The following ZC2HC1A variants were observed in gnomAD, a reference collection of about 807,000 sequenced individuals.
ZC2HC1A encodes the protein zinc finger C2HC-type containing 1A.
ZC2HC1A carries 28 observed loss-of-function variants against 40.7 expected under a neutral mutation model. The ratio of observed to expected loss-of-function variants is 0.69; its 90% CI spans 0.51 to 0.94. The LOEUF (loss-of-function observed/expected upper bound fraction) is 0.94. ZC2HC1A is among the 40% of genes least tolerant of loss of function. The pLI, the probability that ZC2HC1A is intolerant of heterozygous loss-of-function variation, is 0.00. For missense variants in ZC2HC1A, 389 were observed against 386.3 expected (o/e 1.01, Z -0.06); for synonymous variants, 129 against 129.2 (o/e 1.00, Z 0.01).
chr8:78,684,904 G>A (rs908418917), intron 3 of ZC2HC1A, among the ~76,000 whole-genome samples: 15 of 151,970 alleles, frequency 9.9e-5, no homozygotes, highest in Non-Finnish European at 1.8e-4. Flanking sequence ...AGGTAGACTC[G>A]ACCTAATAAA....
intron 7 of ZC2HC1A, among the ~76,000 whole-genome samples, chr8:78,699,280 GA>G (rs911147743): frequency 7.9e-5 from 12 of 151,886 alleles, no homozygotes; most frequent in Non-Finnish European, 1.5e-4. Flanking sequence ...ATAGTTATGG[GA>G]AAAATTGTAA....
At chr8:78,681,901 C>CTTTTTTTTTTTTTTTTTTTTTTT in intron 3 of ZC2HC1A, among the ~76,000 whole-genome samples, 1 of 126,470 alleles carries the variant, frequency 7.9e-6, no homozygotes, top group Non-Finnish European at 1.7e-5. Context: ...CTTTTTCTTT[C>CTTTTTTTTTTTTTTTTTTTTTTT]TTTTTTTTTT....
chr8:78,711,527 A>T (rs1810949399), intron 7 of ZC2HC1A, among the ~76,000 whole-genome samples: 1 of 152,108 alleles, frequency 6.6e-6, no homozygotes. Flanking sequence ...TTAGAAAGTC[A>T]AATGGAGTAC....
intron 1 of ZC2HC1A, among the ~76,000 whole-genome samples, chr8:78,668,221 G>T (rs1389111450): frequency 1.3e-5 from 2 of 151,902 alleles, no homozygotes; most frequent in African/African-American, 2.4e-5. Context: ...GAGTCTTAAG[G>T]TTACCGTTCA....
At chr8:78,684,807 T>C (rs535957853) in intron 3 of ZC2HC1A, among the ~76,000 whole-genome samples, 57 of 152,214 alleles carry the variant, frequency 3.7e-4, no homozygotes, top group African/African-American at 1.3e-3. Context: ...ATAATAAAGA[T>C]ACAAGACTTC....
In ZC2HC1A at chr8:78,718,493, T is replaced by C. The variant is rs937396757; in HGVS notation, c.*1000T>C. Reference sequence around the variant, plus strand: ...TAGTGCAGAGCATGCAGATAAAAAATATTTGAATTTTTTTTTCTTGGAAGT... The same window carrying C: ...TAGTGCAGAGCATGCAGATAAAAAACATTTGAATTTTTTTTTCTTGGAAGT... On this transcript the variant is annotated 3_prime_UTR_variant, in exon 9 of 9. Coordinates refer to ENST00000263849, the MANE Select transcript of ZC2HC1A (RefSeq NM_016010.3). 9.9e-5 allele frequency: 15 copies of C among 151,884 alleles called. No homozygotes were observed. The highest frequency in any genetic ancestry group is 5.9e-4 in the Admixed American group (9 of 15,240). 9.4% of individuals were successfully genotyped at this position (151,884 alleles called of 1,614,324 possible).
chr8:78,696,255 C>G (rs1219016109), intron 5 of ZC2HC1A, among the ~76,000 whole-genome samples: 1 of 152,082 alleles, frequency 6.6e-6, no homozygotes, highest in Non-Finnish European at 1.5e-5. Flanking sequence ...AGGATGGTCT[C>G]GATCTCCTGA....
chr8:78,689,541 T>C (rs1251590699), intron 5 of ZC2HC1A, among the ~76,000 whole-genome samples, 168 bp downstream of exon 5: 2 of 152,076 alleles, frequency 1.3e-5, no homozygotes, highest in African/African-American at 4.8e-5. Context: ...CTTATATCTG[T>C]AAATCATTTC....
At chr8:78,685,683 A>G (rs1185675111) in intron 3 of ZC2HC1A, among the ~76,000 whole-genome samples, 1 of 152,254 alleles carries the variant, frequency 6.6e-6, no homozygotes, top group Non-Finnish European at 1.5e-5. Flanking sequence ...AGTCTCAATC[A>G]TTATAAGAGA....
rs753658944 is a variant in ZC2HC1A at position 78,689,369 on chromosome 8, A to AGGT, written c.504_504+2dup. The AGGT allele has an allele frequency of 4.4e-6, 7 of 1,579,898 alleles. No homozygotes were observed. The highest frequency in any genetic ancestry group is 6.0e-6 in the Non-Finnish European group (7 of 1,165,270). On this transcript the variant is annotated inframe_insertion, in exon 5 of 9. Transcript: ENST00000263849. ...AAAGGAAAACCAACTTCTCGGACACAGGTGGTAAGTTCAGTTTTAATAATT... is the reference window on the plus strand; with the variant it reads ...AAAGGAAAACCAACTTCTCGGACACAGGTGGTGGTAAGTTCAGTTTTAATAATT...
chr8:78,687,467 T>C (rs1176914408), intron 4 of ZC2HC1A, among the ~76,000 whole-genome samples: 2 of 145,574 alleles, frequency 1.4e-5, no homozygotes, highest in African/African-American at 5.0e-5. Flanking sequence ...CATAATTATA[T>C]ATATATTTAT....
intron 1 of ZC2HC1A, among the ~76,000 whole-genome samples, chr8:78,673,857 A>G (rs1306689358): frequency 2.0e-5 from 3 of 152,094 alleles, no homozygotes; most frequent in Admixed American, 6.6e-5. Flanking sequence ...TCTCTAAACA[A>G]TATTTCTTTG....
chr8:78,694,294 T>C (rs1266751016), intron 5 of ZC2HC1A, among the ~76,000 whole-genome samples: 1 of 151,210 alleles, frequency 6.6e-6, no homozygotes, highest in Non-Finnish European at 1.5e-5. Flanking sequence ...TTGTTTTTTT[T>C]TTTTTCTCAT....
Position 78,718,971 on chromosome 8 carries a change from G to A in ZC2HC1A, c.*1478G>A, listed in dbSNP as rs1450525722. The A allele has an allele frequency of 2.0e-5, 3 of 151,586 alleles. No homozygotes were observed. The highest frequency in any genetic ancestry group is 7.2e-5 in the African/African-American group (3 of 41,388). The allele number at this position is 151,586 out of a possible 1,614,324, so 9.4% of individuals were successfully genotyped here. On this transcript the variant is annotated 3_prime_UTR_variant, in exon 9 of 9. Coordinates refer to ENST00000263849, the MANE Select transcript of ZC2HC1A (RefSeq NM_016010.3). The stretch of plus-strand genomic sequence containing the variant: ...TTATTAGCTTAGTTTAGTTTGGGCA[G>A]GAGTTACAAACTTAATAGGAATTGT...
At position 78,700,327 on chromosome 8, in the gene ZC2HC1A, C is replaced by A. The variant is rs576726938; in HGVS notation, c.704+1814C>A. Reference sequence around the variant, plus strand: ...TTTAATGGGATTGTTTGTTTTTTTTCTTGTAAGTTTCTTTTTTTCTTGTAA... The same window carrying A: ...TTTAATGGGATTGTTTGTTTTTTTTATTGTAAGTTTCTTTTTTTCTTGTAA... On this transcript the variant is annotated intron_variant, in intron 7 of 8. Transcript: ENST00000263849. Among the ~76,000 whole-genome samples the A allele has an allele frequency of 1.4e-3, 213 of 151,362 alleles. 1 individual carries two copies. The highest frequency in any genetic ancestry group is 5.0e-3 in the African/African-American group (207 of 41,276).
At position 78,666,154 on chromosome 8, in the gene ZC2HC1A, G is replaced by A; in HGVS notation, c.6G>A (p.Glu2=). 6.4e-7 allele frequency: 1 copy of A among 1,573,848 alleles called. No individual in the cohort carries two copies. The highest frequency in any genetic ancestry group is 8.6e-7 in the Non-Finnish European group (1 of 1,159,836). M[E]GLEENGGVVQ... ...GAGCTCGAGGAGGTGGCGCGATGGA[G>A]GGACTGGAAGGTGAGGCGATGAAGG... Residue 2 remains glutamate (E), a synonymous_variant, in exon 1 of 9, where the codon GAG becomes GAA. Transcript: ENST00000263849.
In ZC2HC1A at chr8:78,677,498, A is replaced by T. The variant is rs116162196; in HGVS notation, c.94-1065A>T. On this transcript the variant is annotated intron_variant, in intron 2 of 8. Transcript: ENST00000263849. The stretch of plus-strand genomic sequence containing the variant: ...CACAAATCAGACCACCTGTCCTATT[A>T]TTTTGTGTTAACTTTATATTAGCAT... Among the ~76,000 whole-genome samples, 214 of 152,310 alleles carry T rather than the reference A, an allele frequency of 1.4e-3. 2 individuals are homozygous for T. The highest frequency in any genetic ancestry group is 4.9e-3 in the African/African-American group (202 of 41,588).
intron 7 of ZC2HC1A, among the ~76,000 whole-genome samples, chr8:78,704,948 A>G (rs1810723093): frequency 6.6e-6 from 1 of 152,158 alleles, no homozygotes; most frequent in African/African-American, 2.4e-5. Context: ...CAGCTTTATC[A>G]GGTTGGTTAT....
rs558277130 is a variant in ZC2HC1A at position 78,717,014 on chromosome 8, A to G, written c.813-314A>G. 3.4e-5 allele frequency among the ~76,000 whole-genome samples: 5 copies of G among 147,102 alleles called. No homozygotes were observed. The South Asian group carries it at 1.1e-3, about 32-fold the overall frequency. On this transcript the variant is annotated intron_variant, in intron 8 of 8. Coordinates refer to ENST00000263849, the MANE Select transcript of ZC2HC1A (RefSeq NM_016010.3). ...TGTACAGCCTGCAGAACTGTGAGTC[A>G]GTTAAACCTCTTTTCTTTATAAATT... is the stretch of plus-strand genomic sequence containing the variant.
Sources: gnomAD v4.1 joint callset for allele counts (sites outside exome capture counted in the v4.1 genomes callset) on GRCh38, gnomAD v4.1.1 for gene constraint, MANE v1.5 for transcripts, NCBI Gene and HGNC (gene_info 2026-07-23, HGNC 2026-07-21) for gene names.